The following CUX2 variants were observed in gnomAD, a reference collection of about 807,000 sequenced individuals.
CUX2 encodes cut like homeobox 2.
In CUX2, 40 loss-of-function variants were observed where a neutral mutation model predicts 144.8. The observed-to-expected ratio is 0.28, with a 90% CI of 0.21 to 0.36. The LOEUF is 0.36. Ranked by LOEUF, CUX2 falls within the 10% of genes least tolerant of loss-of-function variation. The pLI is 1.00. For missense variants in CUX2, 1,615 were observed against 1,994.0 expected, an observed-to-expected ratio of 0.81 and a Z score of 3.62; for synonymous variants, 827 against 875.6, an observed-to-expected ratio of 0.94 and a Z score of 0.98.
At chr12:111,254,545 A>C (rs752321024) in intron 3 of CUX2, among the ~76,000 whole-genome samples, 30 of 152,252 alleles carry the variant, frequency 2.0e-4, no homozygotes, top group Non-Finnish European at 3.8e-4. Context: ...TGAGTTCAGA[A>C]TGAATTAGTG....
In CUX2 at chr12:111,061,408, C is replaced by T. The variant is rs1032832591; in HGVS notation, c.63+27168C>T. Among the ~76,000 whole-genome samples the T allele has an allele frequency of 2.0e-5, 3 of 152,002 alleles. No homozygotes were observed. The highest frequency in any genetic ancestry group is 2.1e-4 in the South Asian group (1 of 4,820). ...GAAGCATGGGCTGTAGAAGGGTTTT[C>T]GGGGAATCCCACGACTGCAAGTGAA... is the stretch of plus-strand genomic sequence containing the variant. On this transcript the variant is annotated intron_variant, in intron 1 of 21. Transcript: ENST00000261726. The surrounding 1 kb of genome is among the most constrained non-coding windows in gnomAD (Gnocchi z 4.2).
At chr12:111,275,211 C>T (rs749085833) in intron 4 of CUX2, among the ~76,000 whole-genome samples, 4 of 152,188 alleles carry the variant, frequency 2.6e-5, no homozygotes, top group Admixed American at 6.5e-5. Flanking sequence ...CACTTCCCCA[C>T]GGTGTCCCCC....
intron 8 of CUX2, among the ~76,000 whole-genome samples, chr12:111,297,665 C>G (rs1040306915): frequency 2.0e-5 from 3 of 152,200 alleles, no homozygotes; most frequent in Admixed American, 1.3e-4. Flanking sequence ...TCTGCAAACA[C>G]TTATTGAGCA....
chr12:111,183,325 G>A (rs1250427616), intron 1 of CUX2, among the ~76,000 whole-genome samples: 1 of 152,210 alleles, frequency 6.6e-6, no homozygotes, highest in Non-Finnish European at 1.5e-5. Context: ...AAGCCTGCTG[G>A]GGGTGGCTCC....
At chr12:111,098,576 T>C (rs1872986103) in intron 1 of CUX2, among the ~76,000 whole-genome samples, 1 of 152,158 alleles carries the variant, frequency 6.6e-6, no homozygotes, top group South Asian at 2.1e-4. Flanking sequence ...ATTTCTCCTT[T>C]CCATCCCACA....
rs149292098 is a variant in CUX2 at position 111,293,416 on chromosome 12, T to A, written c.437-30T>A. ...GGCTGCCACGTTGCTCTCTTGGCAA[T>A]GGGGGTTTTCCCTCTTTTTCTCCCT... On this transcript the variant is annotated intron_variant, in intron 5 of 21. Coordinates refer to ENST00000261726, the MANE Select transcript of CUX2 (RefSeq NM_015267.4). The surrounding 1 kb of genome is among the most constrained non-coding windows in gnomAD (Gnocchi z 4.5). 1.3e-6 allele frequency: 2 copies of A among 1,589,076 alleles called. No homozygotes were observed. The highest frequency in any genetic ancestry group is 2.7e-5 in the African/African-American group (2 of 74,218).
At chr12:111,202,263 C>T (rs1880641632) in intron 1 of CUX2, among the ~76,000 whole-genome samples, 2 of 152,228 alleles carry the variant, frequency 1.3e-5, no homozygotes, top group African/African-American at 4.8e-5. Context: ...CAGCCCCTCA[C>T]CTGACACCTG....
chr12:111,235,110 A>T (rs1016212293), intron 3 of CUX2, among the ~76,000 whole-genome samples: 3 of 152,168 alleles, frequency 2.0e-5, no homozygotes, highest in Non-Finnish European at 4.4e-5. Flanking sequence ...CTGGTAATGC[A>T]TATCAAGTGT....
chr12:111,273,837 C>G (rs575185750), intron 4 of CUX2, among the ~76,000 whole-genome samples: 2 of 152,316 alleles, frequency 1.3e-5, no homozygotes, highest in South Asian at 4.1e-4. Flanking sequence ...AATGACCTCC[C>G]CTCATTATAA....
At chr12:111,189,934 C>T (rs1879778285) in intron 1 of CUX2, among the ~76,000 whole-genome samples, 1 of 152,174 alleles carries the variant, frequency 6.6e-6, no homozygotes, top group Non-Finnish European at 1.5e-5. Flanking sequence ...CAGATACTGA[C>T]ACTTCCTCCA....
At chr12:111,093,638 G>A (rs1446450257) in intron 1 of CUX2, among the ~76,000 whole-genome samples, 1 of 152,182 alleles carries the variant, frequency 6.6e-6, no homozygotes, top group African/African-American at 2.4e-5. Flanking sequence ...CCAGAAATTT[G>A]ACGGGGGGGC....
chr12:111,220,929 T>A (rs1160403433), intron 3 of CUX2, among the ~76,000 whole-genome samples: 17 of 122,796 alleles, frequency 1.4e-4, no homozygotes, highest in African/African-American at 5.3e-4. Flanking sequence ...GAGCGAGACC[T>A]GGTCTCTTAA....
intron 3 of CUX2, among the ~76,000 whole-genome samples, chr12:111,225,922 G>T (rs1752390841): frequency 6.6e-6 from 1 of 151,986 alleles, no homozygotes; most frequent in African/African-American, 2.4e-5. Flanking sequence ...TGAGAAGAAG[G>T]CCTCCCATCC....
rs758478952 is a variant in CUX2, at chr12:111,312,246, G to A, written c.2002+45G>A. On this transcript the variant is annotated intron_variant, in intron 16 of 21. Coordinates refer to ENST00000261726, the MANE Select transcript of CUX2 (RefSeq NM_015267.4). The surrounding 1 kb of genome is among the most constrained non-coding windows in gnomAD (Gnocchi z 4.3). ...GCAAAGCCTGAGGCCCCCGGGGCCA[G>A]CTGCGAACAGGAGATGAGGCTTCGT... The A allele has an allele frequency of 1.3e-6, 2 of 1,510,106 alleles. No homozygotes were observed. Among genetic ancestry groups the A allele is most frequent in the Admixed American group, 2.0e-5 (1 of 51,192 alleles). The allele number at this position is 1,510,106 out of a possible 1,614,324, so 93.5% of individuals were successfully genotyped here.
At chr12:111,156,831 GC>G (rs1454329555) in intron 1 of CUX2, among the ~76,000 whole-genome samples, 1 of 151,864 alleles carries the variant, frequency 6.6e-6, no homozygotes, top group Non-Finnish European at 1.5e-5. Flanking sequence ...TACAAAATTA[GC>G]CAGGAGTGGT....
intron 3 of CUX2, among the ~76,000 whole-genome samples, chr12:111,235,752 G>A (rs1225210558): frequency 6.6e-6 from 1 of 152,050 alleles, no homozygotes. Context: ...GAGCACTAAT[G>A]ATAACCTGGC....
chr12:111,274,619 G>A (rs1884775400), intron 4 of CUX2, among the ~76,000 whole-genome samples: 1 of 152,136 alleles, frequency 6.6e-6, no homozygotes, highest in Non-Finnish European at 1.5e-5. Flanking sequence ...TAGACACATG[G>A]CTCACAGCTG....
chr12:111,259,037 G>A (rs984384466), intron 3 of CUX2, among the ~76,000 whole-genome samples: 16 of 125,902 alleles, frequency 1.3e-4, no homozygotes, highest in African/African-American at 7.2e-4. Flanking sequence ...CCAGCTGTGT[G>A]TGTGTGTGTG....
At chr12:111,047,565 G>A (rs1045445563) in intron 1 of CUX2, among the ~76,000 whole-genome samples, 4 of 152,118 alleles carry the variant, frequency 2.6e-5, no homozygotes, top group Admixed American at 1.3e-4. Context: ...GCATCCCTTG[G>A]GGCAGGCTCT....
Sources: gnomAD v4.1 joint callset for allele counts (sites outside exome capture counted in the v4.1 genomes callset) on GRCh38, gnomAD v4.1.1 for gene constraint, Gnocchi (gnomAD v3.1) non-coding constraint, MANE v1.5 for transcripts, NCBI Gene and HGNC (gene_info 2026-07-23, HGNC 2026-07-21) for gene names.